The following RBMS3 variants were observed in gnomAD, a reference collection of about 807,000 sequenced individuals.
RBMS3 encodes RNA binding motif single stranded interacting protein 3, also known as RNA-binding motif, single-stranded-interacting protein 3.
A neutral mutation model predicts 66.8 loss-of-function variants in RBMS3; 27 were observed. The observed-to-expected ratio is 0.40, with a 90% CI of 0.30 to 0.56. The LOEUF is 0.56. RBMS3 is among the 20% of genes least tolerant of loss of function. RBMS3 has a pLI of 0.40. For missense variants in RBMS3, 513 were observed against 549.5 expected (o/e 0.93, Z 0.66); for synonymous variants, 188 against 183.0 (o/e 1.03, Z -0.22).
At chr3:29,463,741 C>T (rs2042447681) in intron 2 of RBMS3, among the ~76,000 whole-genome samples, 1 of 151,996 alleles carries the variant, frequency 6.6e-6, no homozygotes. Flanking sequence ...GTGGAGTGGA[C>T]ATCCTCATTA....
At chr3:29,597,842 C>T (rs1021647611) in intron 4 of RBMS3, among the ~76,000 whole-genome samples, 10 of 151,816 alleles carry the variant, frequency 6.6e-5, no homozygotes, top group Non-Finnish European at 7.4e-5. Flanking sequence ...TTTTTTCATA[C>T]TCATGAATTA....
At chr3:29,508,266 T>G (rs557247466) in intron 3 of RBMS3, among the ~76,000 whole-genome samples, 1 of 152,306 alleles carries the variant, frequency 6.6e-6, no homozygotes, top group Admixed American at 6.5e-5. Flanking sequence ...GTTTGTTACA[T>G]AGGTATACAT....
At chr3:29,516,303 A>G (rs1439128470) in intron 3 of RBMS3, among the ~76,000 whole-genome samples, 2 of 152,240 alleles carry the variant, frequency 1.3e-5, no homozygotes, top group Non-Finnish European at 2.9e-5. Flanking sequence ...AAAATTTGGT[A>G]AGTTGATATA....
At chr3:29,724,198 A>G (rs551979589) in intron 4 of RBMS3, among the ~76,000 whole-genome samples, 31 of 152,312 alleles carry the variant, frequency 2.0e-4, no homozygotes, top group African/African-American at 7.2e-4. Context: ...CATATAATTT[A>G]ATATAACATC....
intron 12 of RBMS3, among the ~76,000 whole-genome samples, chr3:29,952,195 A>T (rs938213198): frequency 7.9e-5 from 12 of 151,806 alleles, no homozygotes; most frequent in African/African-American, 2.9e-4. Context: ...TACTCATCAC[A>T]TCTCAACGTT....
At chr3:29,416,134 G>A (rs919255258) in intron 1 of RBMS3, among the ~76,000 whole-genome samples, 1 of 152,042 alleles carries the variant, frequency 6.6e-6, no homozygotes, top group Non-Finnish European at 1.5e-5. Flanking sequence ...TATCACACGA[G>A]ATACTTACAT....
intron 1 of RBMS3, among the ~76,000 whole-genome samples, chr3:29,366,613 G>A (rs1360719540): frequency 1.3e-5 from 2 of 151,902 alleles, no homozygotes; most frequent in Non-Finnish European, 2.9e-5. Context: ...GGGATCAAGC[G>A]ATCTGCCCGT....
At chr3:29,496,399 T>A (rs888205308) in intron 3 of RBMS3, among the ~76,000 whole-genome samples, 81 of 152,308 alleles carry the variant, frequency 5.3e-4, no homozygotes, top group African/African-American at 1.9e-3. Flanking sequence ...GATTTTGATA[T>A]TGGCTTTTGT....
chr3:29,514,960 C>A (rs1241295372), intron 3 of RBMS3, among the ~76,000 whole-genome samples: 1 of 151,888 alleles, frequency 6.6e-6, no homozygotes, highest in Non-Finnish European at 1.5e-5. Flanking sequence ...GTCAACGTTA[C>A]CAGCATTTCA....
chr3:29,390,481 A>G (rs897242294), intron 1 of RBMS3, among the ~76,000 whole-genome samples: 2 of 152,166 alleles, frequency 1.3e-5, no homozygotes, highest in Non-Finnish European at 2.9e-5. Context: ...GTTTTAATGT[A>G]CTCCTAAGAA....
chr3:29,384,288 C>A (rs1349488485), intron 1 of RBMS3, among the ~76,000 whole-genome samples: 1 of 151,980 alleles, frequency 6.6e-6, no homozygotes, highest in African/African-American at 2.4e-5. Flanking sequence ...TATACTCCAG[C>A]CTGGGCATCA....
chr3:29,358,504 G>C (rs1390054015), intron 1 of RBMS3, among the ~76,000 whole-genome samples: 1 of 152,054 alleles, frequency 6.6e-6, no homozygotes, highest in East Asian at 1.9e-4. Flanking sequence ...TGTTCTTTTG[G>C]CTTAGGATTG....
intron 6 of RBMS3, among the ~76,000 whole-genome samples, chr3:29,806,303 A>T (rs1431520585): frequency 2.0e-5 from 3 of 152,000 alleles, no homozygotes; most frequent in Non-Finnish European, 4.4e-5. Flanking sequence ...AAGTATTTCA[A>T]ATCAGCTAAA....
chr3:29,691,913 C>A (rs1363993840), intron 4 of RBMS3, among the ~76,000 whole-genome samples: 1 of 142,878 alleles, frequency 7.0e-6, no homozygotes, highest in African/African-American at 2.7e-5. Flanking sequence ...AAGTATAAAT[C>A]TTATTTATGT....
chr3:29,909,783 T>G (rs982616902), intron 10 of RBMS3, among the ~76,000 whole-genome samples: 2 of 152,074 alleles, frequency 1.3e-5, no homozygotes, highest in Non-Finnish European at 2.9e-5. Context: ...ATGCGGGGCA[T>G]GTGTGTGGTA....
chr3:29,661,964 G>T (rs919975466), intron 4 of RBMS3, among the ~76,000 whole-genome samples: 2 of 152,158 alleles, frequency 1.3e-5, no homozygotes, highest in South Asian at 2.1e-4. Context: ...ACAATGTACC[G>T]CAAACATTGT....
chr3:29,814,376 G>C (rs979200896), intron 6 of RBMS3, among the ~76,000 whole-genome samples: 1 of 152,070 alleles, frequency 6.6e-6, no homozygotes, highest in African/African-American at 2.4e-5. Context: ...TGCTGGATTC[G>C]GTTTCCCAGT....
chr3:29,301,680 CGACT>C (rs2033682212), intron 1 of RBMS3, among the ~76,000 whole-genome samples: 1 of 151,874 alleles, frequency 6.6e-6, no homozygotes, highest in South Asian at 2.1e-4. Context: ...TTTGAATGAC[CGACT>C]GACTGTTTTA....
intron 1 of RBMS3, among the ~76,000 whole-genome samples, chr3:29,405,487 C>A (rs573002167): frequency 6.6e-6 from 1 of 152,226 alleles, no homozygotes; most frequent in Admixed American, 6.6e-5. Flanking sequence ...TGTGGCAAAT[C>A]AGGGTACATT....
Sources: allele counts gnomAD v4.1 joint callset (sites outside exome capture counted in the v4.1 genomes callset), GRCh38; gene constraint gnomAD v4.1.1; transcripts MANE v1.5; gene names NCBI Gene and HGNC (gene_info 2026-07-23, HGNC 2026-07-21).